Variants in MAPK10 observed in about 807,000 individuals in gnomAD.
The protein encoded by MAPK10 is mitogen-activated protein kinase 10, also known as JNK3 alpha protein kinase.
A neutral mutation model predicts 59.3 loss-of-function variants in MAPK10; 25 were observed. That is an observed-to-expected ratio of 0.42 (90% CI 0.31 to 0.59). The LOEUF is 0.59. Ranked by LOEUF, MAPK10 falls within the 20% of genes least tolerant of loss-of-function variation. The pLI, the probability that MAPK10 is intolerant of heterozygous loss-of-function variation, is 0.15. For missense variants in MAPK10, 351 were observed against 568.9 expected, an observed-to-expected ratio of 0.62 and a Z score of 3.90; for synonymous variants, 190 against 200.5, an observed-to-expected ratio of 0.95 and a Z score of 0.44.
chr4:86,029,054 C>T (rs747524147), intron 13 of MAPK10, 143 bp downstream of exon 13: 2 of 747,278 alleles, frequency 2.7e-6, no homozygotes, highest in Non-Finnish European at 4.9e-6. Flanking sequence ...AGAAATAAAA[C>T]TAAAATCATT....
At chr4:86,383,454 C>G (rs750580893) in intron 1 of MAPK10, among the ~76,000 whole-genome samples, 3 of 152,092 alleles carry the variant, frequency 2.0e-5, no homozygotes, top group Non-Finnish European at 2.9e-5. Flanking sequence ...AAACAGGTAG[C>G]TAAACAATTT....
chr4:86,261,551 A>G (rs1345968447), intron 2 of MAPK10, among the ~76,000 whole-genome samples: 1 of 152,208 alleles, frequency 6.6e-6, no homozygotes, highest in Non-Finnish European at 1.5e-5. Flanking sequence ...TATTCCCTTG[A>G]CAACCTGATA....
chr4:86,546,513 C>T (rs1040340173), intron 1 of MAPK10, among the ~76,000 whole-genome samples: 3 of 149,828 alleles, frequency 2.0e-5, no homozygotes, highest in South Asian at 2.1e-4. Context: ...GACGAGATCG[C>T]GCTACTGCAC....
At chr4:86,254,424 C>T (rs1278170301) in intron 2 of MAPK10, among the ~76,000 whole-genome samples, 3 of 62,254 alleles carry the variant, frequency 4.8e-5, no homozygotes, top group Admixed American at 1.7e-4. Context: ...GCCTTCATTT[C>T]GTTATGTACC....
chr4:86,550,237 G>A (rs1049986940), intron 1 of MAPK10, among the ~76,000 whole-genome samples: 12 of 152,022 alleles, frequency 7.9e-5, no homozygotes, highest in African/African-American at 2.4e-4. Context: ...GAGATTCAAC[G>A]CCCTTAAAGT....
chr4:86,142,247 A>C (rs2063790049), intron 4 of MAPK10, among the ~76,000 whole-genome samples: 1 of 152,180 alleles, frequency 6.6e-6, no homozygotes, highest in South Asian at 2.1e-4. Context: ...TACCTCAGAG[A>C]GGTATGCTAA....
At chr4:86,143,343 T>C (rs760575730) in intron 4 of MAPK10, among the ~76,000 whole-genome samples, 21 of 152,182 alleles carry the variant, frequency 1.4e-4, no homozygotes, top group Non-Finnish European at 2.1e-4. Context: ...AATATCCTTA[T>C]AGAAAGACAG....
At chr4:86,319,984 C>T (rs2095858573) in intron 2 of MAPK10, among the ~76,000 whole-genome samples, 1 of 152,236 alleles carries the variant, frequency 6.6e-6, no homozygotes, top group East Asian at 1.9e-4. Context: ...TTCTCAGTCT[C>T]TGCTGCAGAC....
intron 2 of MAPK10, among the ~76,000 whole-genome samples, chr4:86,309,429 AC>A (rs1218859171): frequency 6.6e-6 from 1 of 152,196 alleles, no homozygotes; most frequent in Non-Finnish European, 1.5e-5. Context: ...ATGCTCAGGA[AC>A]TAAAGACCAA....
intron 1 of MAPK10, among the ~76,000 whole-genome samples, chr4:86,520,272 T>C (rs576465868): frequency 6.6e-6 from 1 of 152,324 alleles, no homozygotes; most frequent in South Asian, 2.1e-4. Flanking sequence ...TTTGGTTGTT[T>C]AACATAATCC....
intron 1 of MAPK10, among the ~76,000 whole-genome samples, chr4:86,424,831 CAA>C (rs1400446942): frequency 7.2e-5 from 11 of 152,094 alleles, no homozygotes; most frequent in Admixed American, 3.9e-4. Flanking sequence ...TGAAGACAAA[CAA>C]GAGAGAAAAG....
intron 1 of MAPK10, among the ~76,000 whole-genome samples, chr4:86,513,018 C>A (rs1019810151): frequency 2.0e-5 from 3 of 152,116 alleles, no homozygotes; most frequent in Non-Finnish European, 2.9e-5. Context: ...ACAATCAGAA[C>A]CTTCTGCTGG....
At chr4:86,399,899 ATTTAT>A (rs1743469334) in intron 1 of MAPK10, 1 of 149,162 alleles carries the variant, frequency 6.7e-6, no homozygotes, top group African/African-American at 2.6e-5. Flanking sequence ...CTAAAAATAC[ATTTAT>A]TTTAAGTTTT....
chr4:86,316,435 A>T (rs543307603), intron 2 of MAPK10, among the ~76,000 whole-genome samples: 3 of 152,330 alleles, frequency 2.0e-5, no homozygotes, highest in African/African-American at 7.2e-5. Flanking sequence ...AATAATATCT[A>T]TGTACAAATT....
At chr4:86,479,843 A>T (rs902507504) in intron 1 of MAPK10, among the ~76,000 whole-genome samples, 18 of 152,050 alleles carry the variant, frequency 1.2e-4, no homozygotes, top group South Asian at 2.1e-4. Flanking sequence ...TATAAGACAA[A>T]TGTTTCTTCT....
At chr4:86,315,076 T>C (rs950730496) in intron 2 of MAPK10, among the ~76,000 whole-genome samples, 10 of 152,170 alleles carry the variant, frequency 6.6e-5, no homozygotes, top group African/African-American at 2.4e-4. Context: ...TAGTCTTTGA[T>C]GACACACATA....
intron 1 of MAPK10, among the ~76,000 whole-genome samples, chr4:86,409,076 G>C (rs773938943): frequency 6.6e-6 from 1 of 152,090 alleles, no homozygotes; most frequent in Non-Finnish European, 1.5e-5. Flanking sequence ...GTTAATTTTT[G>C]TATAAGGTGT....
intron 3 of MAPK10, among the ~76,000 whole-genome samples, chr4:86,162,035 G>C (rs1404136765): frequency 1.3e-5 from 2 of 151,760 alleles, no homozygotes; most frequent in African/African-American, 4.8e-5. Flanking sequence ...TTAATATTTA[G>C]AACTGTTTAA....
At chr4:86,030,933 A>G (rs1406976205) in intron 12 of MAPK10, among the ~76,000 whole-genome samples, 1 of 152,196 alleles carries the variant, frequency 6.6e-6, no homozygotes, top group African/African-American at 2.4e-5. Flanking sequence ...TATCAATCCA[A>G]TGAGTAAACT....
Sources: allele counts gnomAD v4.1 joint callset (sites outside exome capture counted in the v4.1 genomes callset), GRCh38; gene constraint gnomAD v4.1.1; transcripts MANE v1.5; gene names NCBI Gene and HGNC (gene_info 2026-07-23, HGNC 2026-07-21).